PRUNE2: variants seen among roughly 807,000 people sequenced by gnomAD.
PRUNE2 encodes the protein protein prune homolog 2.
PRUNE2 carries 164 observed loss-of-function variants against 252.0 expected under a neutral mutation model. That is an observed-to-expected ratio of 0.65 (90% confidence interval 0.57 to 0.74). The LOEUF (loss-of-function observed/expected upper bound fraction) is 0.74, where lower values mean the gene tolerates loss of function less well. Ranked by LOEUF, PRUNE2 falls within the 30% of genes least tolerant of loss-of-function variation. The pLI, the probability that PRUNE2 is intolerant of heterozygous loss-of-function variation, is 0.00. For missense variants in PRUNE2, 3,495 were observed against 3,711.0 expected (o/e 0.94, Z 1.51); for synonymous variants, 1,292 against 1,350.2 (o/e 0.96, Z 0.94).
At chr9:76,747,174 G>A (rs2050197926) in intron 6 of PRUNE2, among the ~76,000 whole-genome samples, 1 of 152,168 alleles carries the variant, frequency 6.6e-6, no homozygotes, top group African/African-American at 2.4e-5. Flanking sequence ...TGATTGGTGT[G>A]CAGGGAAATA....
intron 5 of PRUNE2, among the ~76,000 whole-genome samples, chr9:76,824,968 T>C (rs1249761827): frequency 1.3e-5 from 2 of 152,218 alleles, no homozygotes; most frequent in Non-Finnish European, 2.9e-5. Context: ...CACAAGGACA[T>C]GCACATCTAT....
intron 6 of PRUNE2, among the ~76,000 whole-genome samples, chr9:76,777,116 G>A (rs1350316541): frequency 6.6e-6 from 1 of 152,060 alleles, no homozygotes; most frequent in Non-Finnish European, 1.5e-5. Context: ...ATTGCTGAGA[G>A]ATGATGTTGT....
At position 76,706,763 on chromosome 9, in the gene PRUNE2, C is replaced by T. The variant is rs766169968; in HGVS notation, c.5511G>A (p.Gly1837=). The change falls in exon 8 of 19, where the codon GGG becomes GGA. Residue 1837 remains glycine (G), a synonymous_variant. Transcript: ENST00000376718. Reference sequence around the variant, plus strand: ...TTTCAAATGGACTTTCAATTAGTCTCCCTTCCTGGGGTGAGGCCTTCCACC... The same window carrying T: ...TTTCAAATGGACTTTCAATTAGTCTTCCTTCCTGGGGTGAGGCCTTCCACC... ...TEWWKASPQE[G]RLIESPFERE... is the part of the protein sequence containing the mutation. The T allele has an allele frequency of 6.2e-6, 10 of 1,611,636 alleles. No individual in the cohort carries two copies. In the East Asian group the frequency reaches 2.2e-4, roughly 36 times the overall value.
chr9:76,611,873 T>A lies in PRUNE2; in HGVS notation c.*2697A>T, dbSNP rs1036281899. 2 of 152,760 alleles carry A rather than the reference T, an allele frequency of 1.3e-5. No homozygotes were observed. The highest frequency in any genetic ancestry group is 4.1e-4 in the South Asian group (2 of 4,830). The allele number at this position is 152,760 out of a possible 1,614,324, so 9.5% of individuals were successfully genotyped here. ...TTAATCAAGGAGCTTTGAGAAACAA[T>A]GCTTTTGCCCCAATGACCCCTTGGT... On this transcript the variant is annotated 3_prime_UTR_variant, in exon 19 of 19. Transcript: ENST00000376718.
Position 76,746,725 on chromosome 9 carries a change from A to AC in PRUNE2, c.757-33005_757-33004insG, listed in dbSNP as rs1334101731. The stretch of plus-strand genomic sequence containing the variant: ...AGACTCCGTCTCAAAAAAAAAAAAA[A>AC]AAAAAAAAAAAAAAAACCCCAAAGA... On this transcript the variant is annotated intron_variant, in intron 6 of 18. Coordinates refer to ENST00000376718, the MANE Select transcript of PRUNE2 (RefSeq NM_015225.3). Among the ~76,000 whole-genome samples, 954 of 150,036 alleles carry AC rather than the reference A, an allele frequency of 6.4e-3. 19 individuals are homozygous for AC. Among genetic ancestry groups the AC allele is most frequent in the African/African-American group, 0.023 (923 of 40,958 alleles).
At position 76,788,316 on chromosome 9, in the gene PRUNE2, G is replaced by A. The variant is rs191015408; in HGVS notation, c.756+35316C>T. 938 of 651,072 alleles carry A rather than the reference G, an allele frequency of 1.4e-3. 2 individuals are homozygous for A. In the African/African-American group the frequency reaches 0.015, roughly 10 times the overall value. The allele number at this position is 651,072 out of a possible 1,614,324, so 40.3% of individuals were successfully genotyped here. ...GTCGAAAGAAACATCTCTTACCGTG[G>A]CTAGAGTTACCACAAGTAAATGATT... On this transcript the variant is annotated intron_variant, in intron 6 of 18. Transcript: ENST00000376718.
chr9:76,646,385 T>C (rs893137345), intron 11 of PRUNE2, among the ~76,000 whole-genome samples: 2 of 152,230 alleles, frequency 1.3e-5, no homozygotes, highest in African/African-American at 4.8e-5. Flanking sequence ...GTGACTTAGA[T>C]AGCAAAATGA....
At chr9:76,657,130 G>T (rs1302678882) in intron 9 of PRUNE2, among the ~76,000 whole-genome samples, 1 of 152,130 alleles carries the variant, frequency 6.6e-6, no homozygotes, top group African/African-American at 2.4e-5. Flanking sequence ...TGCAGTTTTT[G>T]GAATTCCTTA....
rs957120353 is a variant in PRUNE2, at chr9:76,693,022, C to T, written c.8276+10315G>A. 11 of 149,264 alleles carry T rather than the reference C, an allele frequency of 7.4e-5. No individual in the cohort carries two copies. The East Asian group carries it at 2.2e-3, about 30-fold the overall frequency. 9.2% of individuals were successfully genotyped at this position (149,264 alleles called of 1,614,324 possible). On this transcript the variant is annotated intron_variant, in intron 9 of 18. Coordinates refer to ENST00000376718, the MANE Select transcript of PRUNE2 (RefSeq NM_015225.3). ...CCAAAAAAAAAAAAGGTAAGATAAC[C>T]TATGTAGAGACTCTGGGTTAAAATA... is the stretch of plus-strand genomic sequence containing the variant.
intron 6 of PRUNE2, among the ~76,000 whole-genome samples, chr9:76,775,471 G>C (rs2053633979): frequency 7.4e-6 from 1 of 134,656 alleles, no homozygotes; most frequent in Non-Finnish European, 1.6e-5. Context: ...TAATTTTTGT[G>C]GTTTTTTTTT....
chr9:76,731,300 ATCTATCTATC>A (rs371436761), intron 6 of PRUNE2, among the ~76,000 whole-genome samples: 44,888 of 127,104 alleles, frequency 0.35, 8,444 homozygotes, highest in Admixed American at 0.47. Flanking sequence ...CTATCTATCT[ATCTATCTATC>A]TATATATATA....
In PRUNE2 at chr9:76,705,807, G is replaced by T; in HGVS notation, c.6467C>A (p.Ser2156Tyr). Residue 2156 changes from serine to tyrosine, a missense_variant, in exon 8 of 19, where the codon TCC becomes TAC. Coordinates refer to ENST00000376718, the MANE Select transcript of PRUNE2 (RefSeq NM_015225.3). ...IYEPGREFVP[S>Y]NAELDSENAT... Reference sequence around the variant, plus strand: ...GTTTTCAGAATCGAGTTCTGCATTGGATGGGACAAACTCCCGTCCAGGCTC... The same window carrying T: ...GTTTTCAGAATCGAGTTCTGCATTGTATGGGACAAACTCCCGTCCAGGCTC... 6.2e-7 allele frequency: 1 copy of T among 1,613,710 alleles called. No homozygotes were observed. Among genetic ancestry groups the T allele is most frequent in the Non-Finnish European group, 8.5e-7 (1 of 1,179,878 alleles).
intron 15 of PRUNE2, among the ~76,000 whole-genome samples, chr9:76,630,580 A>G (rs893755859): frequency 6.6e-6 from 1 of 152,174 alleles, no homozygotes; most frequent in Non-Finnish European, 1.5e-5. Context: ...GCTGGAGTGC[A>G]GTGGCACGAT....
At chr9:76,756,550 T>G (rs971901856) in intron 6 of PRUNE2, among the ~76,000 whole-genome samples, 2 of 152,204 alleles carry the variant, frequency 1.3e-5, no homozygotes, top group African/African-American at 2.4e-5. Context: ...AACAGCTGCA[T>G]TCTCTTTGCC....
intron 9 of PRUNE2, among the ~76,000 whole-genome samples, chr9:76,685,605 G>C (rs762847802): frequency 1.3e-5 from 2 of 152,208 alleles, no homozygotes; most frequent in African/African-American, 2.4e-5. Context: ...AACACACACA[G>C]AGGGAAGACC....
chr9:76,900,548 T>G (rs749839587), intron 1 of PRUNE2, among the ~76,000 whole-genome samples: 1 of 152,198 alleles, frequency 6.6e-6, no homozygotes, highest in African/African-American at 2.4e-5. Flanking sequence ...TTGTGTACTA[T>G]ACAAACTCAG....
chr9:76,697,302 T>C (rs2045482926), intron 9 of PRUNE2, among the ~76,000 whole-genome samples: 1 of 152,210 alleles, frequency 6.6e-6, no homozygotes, highest in South Asian at 2.1e-4. Context: ...ATCTTGGCAC[T>C]TGTGGCTCTC....
intron 6 of PRUNE2, among the ~76,000 whole-genome samples, chr9:76,800,816 T>C (rs1259489794): frequency 2.6e-5 from 4 of 152,312 alleles, no homozygotes; most frequent in African/African-American, 9.6e-5. Context: ...TACGCTGTCA[T>C]AGAGTGGAAA....
chr9:76,726,250 G>A (rs2048092325), intron 6 of PRUNE2, among the ~76,000 whole-genome samples: 1 of 152,188 alleles, frequency 6.6e-6, no homozygotes, highest in Non-Finnish European at 1.5e-5. Flanking sequence ...GAGGTAGATT[G>A]GAAAGACCAC....
Sources: allele counts gnomAD v4.1 joint callset (sites outside exome capture counted in the v4.1 genomes callset), GRCh38; gene constraint gnomAD v4.1.1; transcripts MANE v1.5; gene names NCBI Gene and HGNC (gene_info 2026-07-23, HGNC 2026-07-21).